Variants in SORBS2 observed in about 807,000 individuals in gnomAD.
The protein encoded by SORBS2 is sorbin and SH3 domain containing 2, also known as sorbin and SH3 domain-containing protein 2.
In SORBS2, 46 loss-of-function variants were observed where a neutral mutation model predicts 97.7. The observed-to-expected ratio is 0.47, with a 90% CI of 0.37 to 0.60. The LOEUF (loss-of-function observed/expected upper bound fraction) is 0.60, where lower values mean the gene tolerates loss of function less well. Ranked by LOEUF, SORBS2 falls within the 20% of genes least tolerant of loss-of-function variation. The probability of loss-of-function intolerance (pLI) is 0.00; values close to 1 mark genes in which losing one functional copy is unlikely to be tolerated. For missense variants in SORBS2, 1,316 were observed against 1,282.3 expected (o/e 1.03, Z -0.40); for synonymous variants, 476 against 473.4 (o/e 1.01, Z -0.07).
chr4:185,902,630 G>C (rs1051958649), intron 1 of SORBS2, among the ~76,000 whole-genome samples: 5 of 151,644 alleles, frequency 3.3e-5, no homozygotes, highest in African/African-American at 1.2e-4. Flanking sequence ...AACTTACATG[G>C]GGAATTCTAT....
intron 4 of SORBS2, chr4:185,677,373 G>C: frequency 6.4e-7 from 1 of 1,552,360 alleles, no homozygotes; most frequent in Non-Finnish European, 8.7e-7. Flanking sequence ...GAATGGTGCA[G>C]GATCCGTGCT....
At chr4:185,605,000 C>T (rs182565998) in intron 12 of SORBS2, among the ~76,000 whole-genome samples, 241 of 152,306 alleles carry the variant, frequency 1.6e-3, no homozygotes, top group African/African-American at 5.1e-3. Context: ...CACATCTAAT[C>T]ACACCTTCAG....
At chr4:185,954,436 C>T (rs917477773) in intron 1 of SORBS2, among the ~76,000 whole-genome samples, 12 of 152,110 alleles carry the variant, frequency 7.9e-5, no homozygotes, top group African/African-American at 2.9e-4. Flanking sequence ...ATTAGATGTA[C>T]ATTTCCATTT....
chr4:185,920,488 C>A (rs938418140), intron 1 of SORBS2, among the ~76,000 whole-genome samples: 1 of 152,154 alleles, frequency 6.6e-6, no homozygotes. Flanking sequence ...CATCTTGCAT[C>A]GCCATACAAA....
At chr4:185,797,817 C>T (rs565029172) in intron 1 of SORBS2, among the ~76,000 whole-genome samples, 35 of 152,168 alleles carry the variant, frequency 2.3e-4, no homozygotes, top group Admixed American at 9.8e-4. Flanking sequence ...ACATTCCAGA[C>T]GCACCATCCA....
chr4:185,623,755 C>T lies in SORBS2; in HGVS notation c.1374G>A (p.Leu458=). The T allele has an allele frequency of 2.5e-6, 4 of 1,614,162 alleles. No individual in the cohort carries two copies. Among genetic ancestry groups the T allele is most frequent in the Non-Finnish European group, 3.4e-6 (4 of 1,180,042 alleles). ...GGCCGCTTTGATTTTCTTCCTCCAG[C>T]AAATACTCAATGGAAAACCGCCTCT... The change falls in exon 7 of 15, where the codon TTG becomes TTA. Residue 458 remains leucine, a synonymous_variant. Coordinates refer to ENST00000418609, the Ensembl canonical transcript of SORBS2. The surrounding 1 kb of genome is among the most constrained non-coding windows in gnomAD (Gnocchi z 6.4).
chr4:185,748,880 C>T (rs538952205), intron 2 of SORBS2, among the ~76,000 whole-genome samples: 1 of 152,168 alleles, frequency 6.6e-6, no homozygotes, highest in Non-Finnish European at 1.5e-5. Flanking sequence ...GTGCCCTACT[C>T]CAAGAAGCAC....
intron 1 of SORBS2, among the ~76,000 whole-genome samples, chr4:185,814,304 G>A (rs1379429840): frequency 6.6e-6 from 1 of 151,814 alleles, no homozygotes; most frequent in East Asian, 1.9e-4. Context: ...GGCTGAGGCA[G>A]GTGGATCACT....
chr4:185,684,954 G>C lies in SORBS2; in HGVS notation c.-197-6132C>G. On this transcript the variant is annotated intron_variant, in intron 2 of 20. Transcript: ENST00000284776. The surrounding 1 kb of genome is among the most constrained non-coding windows in gnomAD (Gnocchi z 4.2). ...CAGACATCCATGAGAAAGATGAACA[G>C]TTAGAATTAGTAATCATGGAATGCA... The C allele has an allele frequency of 1.3e-6, 1 of 794,730 alleles. No homozygotes were observed. The highest frequency in any genetic ancestry group is 1.7e-5 in the South Asian group (1 of 59,270). 49.2% of individuals were successfully genotyped at this position (794,730 alleles called of 1,614,324 possible).
At chr4:185,854,576 C>T (rs2099219657) in intron 1 of SORBS2, among the ~76,000 whole-genome samples, 2 of 152,150 alleles carry the variant, frequency 1.3e-5, no homozygotes, top group South Asian at 2.1e-4. Context: ...GATGACAAAG[C>T]GCTGCCTTGG....
chr4:185,893,856 G>A (rs1009865966), intron 1 of SORBS2, among the ~76,000 whole-genome samples: 2 of 152,188 alleles, frequency 1.3e-5, no homozygotes, highest in African/African-American at 4.8e-5. Flanking sequence ...CTCAGGAAGA[G>A]CAGATGGGAA....
chr4:185,664,935 C>T (rs1203541844), intron 4 of SORBS2, among the ~76,000 whole-genome samples: 3 of 152,022 alleles, frequency 2.0e-5, no homozygotes, highest in African/African-American at 7.2e-5. Flanking sequence ...ATTACTTAGA[C>T]ATTATATGCA....
At chr4:185,935,268 C>T (rs2099268405) in intron 1 of SORBS2, among the ~76,000 whole-genome samples, 1 of 152,174 alleles carries the variant, frequency 6.6e-6, no homozygotes, top group South Asian at 2.1e-4. Context: ...AAGCTTCTGT[C>T]CCACCATAAA....
intron 2 of SORBS2, among the ~76,000 whole-genome samples, chr4:185,735,202 TCC>T (rs983089770): frequency 1.3e-5 from 2 of 151,940 alleles, no homozygotes; most frequent in African/African-American, 4.8e-5. Flanking sequence ...TTGCCAGGGG[TCC>T]TCATATCCCT....
chr4:185,602,007 C>G (rs1019866911), intron 12 of SORBS2, among the ~76,000 whole-genome samples: 1 of 152,188 alleles, frequency 6.6e-6, no homozygotes. Context: ...TATAGAGGAG[C>G]TGAGATTTAT....
At chr4:185,650,311 G>T (rs868690818) in intron 2 of SORBS2, among the ~76,000 whole-genome samples, 1 of 152,332 alleles carries the variant, frequency 6.6e-6, no homozygotes, top group African/African-American at 2.4e-5. Flanking sequence ...ATTGCTCAGA[G>T]AAGGTATTAT....
chr4:185,947,656 G>T (rs1197793022), intron 1 of SORBS2, among the ~76,000 whole-genome samples: 1 of 152,032 alleles, frequency 6.6e-6, no homozygotes, highest in Non-Finnish European at 1.5e-5. Flanking sequence ...TTGTTGCCCA[G>T]GCTGGAGTGC....
At chr4:185,801,217 T>A (rs540024937) in intron 1 of SORBS2, among the ~76,000 whole-genome samples, 1 of 152,374 alleles carries the variant, frequency 6.6e-6, no homozygotes, top group African/African-American at 2.4e-5. Flanking sequence ...TTTCTTCTTT[T>A]TTAGGGCTGA....
At chr4:185,697,138 A>C (rs1207088608) in intron 2 of SORBS2, among the ~76,000 whole-genome samples, 4 of 152,206 alleles carry the variant, frequency 2.6e-5, no homozygotes, top group Non-Finnish European at 5.9e-5. Flanking sequence ...TGTCATTATC[A>C]TCGACTCCCC....
Sources: allele counts gnomAD v4.1 joint callset (sites outside exome capture counted in the v4.1 genomes callset), GRCh38; gene constraint gnomAD v4.1.1; non-coding constraint Gnocchi (gnomAD v3.1); transcripts MANE v1.5; gene names NCBI Gene and HGNC (gene_info 2026-07-23, HGNC 2026-07-21).